KCNC2: variants seen among roughly 807,000 people sequenced by gnomAD.
The protein encoded by KCNC2 is potassium voltage-gated channel subfamily C member 2, also known as voltage-gated potassium channel KCNC2.
KCNC2 carries 21 observed loss-of-function variants against 44.5 expected under a neutral mutation model. That is an observed-to-expected ratio of 0.47 (90% CI 0.33 to 0.68). The LOEUF is 0.68. Ranked by LOEUF, KCNC2 falls within the 30% of genes least tolerant of loss-of-function variation. The pLI is 0.01. For missense variants in KCNC2, 589 were observed against 826.2 expected, an observed-to-expected ratio of 0.71 and a Z score of 3.52; for synonymous variants, 391 against 339.1, an observed-to-expected ratio of 1.15 and a Z score of -1.68.
intron 2 of KCNC2, among the ~76,000 whole-genome samples, chr12:75,118,859 G>A (rs528610589): frequency 2.6e-5 from 4 of 151,986 alleles, no homozygotes; most frequent in South Asian, 4.2e-4. Flanking sequence ...ACATCTAACC[G>A]GACAGAATAT....
chr12:75,082,792 T>A (rs943301723), intron 2 of KCNC2, among the ~76,000 whole-genome samples: 2 of 151,774 alleles, frequency 1.3e-5, no homozygotes, highest in Non-Finnish European at 2.9e-5. Flanking sequence ...ACAAAAATAT[T>A]AAGGATGATT....
At chr12:75,062,602 C>T (rs931740395) in intron 2 of KCNC2, among the ~76,000 whole-genome samples, 23 of 151,996 alleles carry the variant, frequency 1.5e-4, no homozygotes, top group African/African-American at 9.7e-5. Flanking sequence ...CATTGTGAAA[C>T]TTGCATGCAT....
intron 3 of KCNC2, 83 bp from the exon 4 acceptor site, chr12:75,048,400 A>G: frequency 1.8e-6 from 2 of 1,135,324 alleles, no homozygotes; most frequent in Non-Finnish European, 2.4e-6. Context: ...GAATGCCGGT[A>G]GTCCAGTCAC....
At chr12:75,084,190 A>G (rs776764007) in intron 2 of KCNC2, among the ~76,000 whole-genome samples, 1 of 151,938 alleles carries the variant, frequency 6.6e-6, no homozygotes, top group African/African-American at 2.4e-5. Context: ...TAAAATAAAA[A>G]TCTTGTTCTC....
chr12:75,066,569 T>C (rs1338627949), intron 2 of KCNC2, among the ~76,000 whole-genome samples: 1 of 152,214 alleles, frequency 6.6e-6, no homozygotes, highest in African/African-American at 2.4e-5. Context: ...ACTGGGATGA[T>C]GTAGATATAT....
intron 2 of KCNC2, among the ~76,000 whole-genome samples, chr12:75,070,243 A>G (rs1333161381): frequency 6.6e-6 from 1 of 152,116 alleles, no homozygotes; most frequent in Admixed American, 6.6e-5. Context: ...TGAGGTCAGG[A>G]GTTCAAGACC....
chr12:75,179,602 G>A, intron 2 of KCNC2, among the ~76,000 whole-genome samples: 1 of 141,568 alleles, frequency 7.1e-6, no homozygotes, highest in Non-Finnish European at 1.6e-5. Flanking sequence ...GCATAAAAAT[G>A]TGTTTTATAA....
intron 2 of KCNC2, among the ~76,000 whole-genome samples, chr12:75,136,251 C>T (rs1325853802): frequency 6.6e-6 from 1 of 151,776 alleles, no homozygotes; most frequent in East Asian, 1.9e-4. Flanking sequence ...AATCAGAAAT[C>T]AGTAACCTAA....
intron 2 of KCNC2, among the ~76,000 whole-genome samples, chr12:75,083,672 G>A (rs1024901871): frequency 4.0e-5 from 6 of 151,814 alleles, no homozygotes; most frequent in Non-Finnish European, 5.9e-5. Flanking sequence ...GTTTATATAA[G>A]CAAGATAGTA....
chr12:75,197,771 A>G (rs11834288), intron 2 of KCNC2, among the ~76,000 whole-genome samples: 14 of 151,990 alleles, frequency 9.2e-5, no homozygotes, highest in African/African-American at 2.9e-4. Context: ...TCATCCAATC[A>G]GTGTGGACAA....
chr12:75,176,596 T>G (rs940319703), intron 2 of KCNC2, among the ~76,000 whole-genome samples: 6 of 152,152 alleles, frequency 3.9e-5, no homozygotes, highest in Non-Finnish European at 5.9e-5. Flanking sequence ...GTTGTGGTTC[T>G]TCTCTCCACC....
rs150079454 is a variant in KCNC2, at chr12:75,200,419, A to G, written c.687+6878T>C. ...AAGTCTATCACATATTTCTTCACCA[A>G]TTTCACTAATATAATATATATTTTG... On this transcript the variant is annotated intron_variant, in intron 2 of 4. Coordinates refer to ENST00000549446, the MANE Select transcript of KCNC2 (RefSeq NM_139137.4). 2.0e-5 allele frequency among the ~76,000 whole-genome samples: 3 copies of G among 151,844 alleles called. No homozygotes were observed. In the East Asian group the frequency reaches 5.8e-4, roughly 29 times the overall value.
At position 75,114,938 on chromosome 12, in the gene KCNC2, A is replaced by C. The variant is rs535547507; in HGVS notation, c.688-63621T>G. ...GAGTGCAGTGGCGCGATCTCGGCTC[A>C]CTGCAGGCTCCGCCCCCCGGGGTTC... On this transcript the variant is annotated intron_variant, in intron 2 of 4. Coordinates refer to ENST00000549446, the MANE Select transcript of KCNC2 (RefSeq NM_139137.4). Among the ~76,000 whole-genome samples, 4 of 133,138 alleles carry C rather than the reference A, an allele frequency of 3.0e-5. No individual in the cohort carries two copies. In the East Asian group the frequency reaches 8.9e-4, roughly 30 times the overall value. 87.3% of individuals were successfully genotyped at this position (133,138 alleles called of 152,430 possible).
intron 2 of KCNC2, among the ~76,000 whole-genome samples, chr12:75,174,219 A>G (rs1396222352): frequency 4.0e-5 from 6 of 151,532 alleles, no homozygotes; most frequent in Admixed American, 4.0e-4. Context: ...TATTTTTTAC[A>G]CAGTGATTGT....
chr12:75,180,321 TG>T lies in KCNC2; in HGVS notation c.687+26975del, dbSNP rs201673706. ...TAAGACCTCAAAAATGTTTGTTGAA[TG>T]GGTACCATTAGTTTCTAAATATATG... On this transcript the variant is annotated intron_variant, in intron 2 of 4. Transcript: ENST00000549446. Among the ~76,000 whole-genome samples the T allele has an allele frequency of 1.1e-3, 172 of 151,926 alleles. 4 individuals are homozygous for T. In the East Asian group the frequency reaches 0.03, roughly 27 times the overall value.
chr12:75,148,211 C>T (rs1158322923), intron 2 of KCNC2, among the ~76,000 whole-genome samples: 1 of 152,128 alleles, frequency 6.6e-6, no homozygotes, highest in East Asian at 1.9e-4. Context: ...CTATGTCCTC[C>T]AAAGTATACA....
intron 4 of KCNC2, chr12:75,043,784 G>A: frequency 2.6e-6 from 4 of 1,510,620 alleles, no homozygotes; most frequent in Middle Eastern, 1.7e-4. Flanking sequence ...TTATCCAGGT[G>A]ATGTAGGATG....
Position 75,207,114 on chromosome 12 carries a change from A to G in KCNC2, c.687+183T>C, listed in dbSNP as rs12426850. ...GAGGAGGAGAAAGATGGGACTGGGT[A>G]GGGATGGTGGCCGGGGTCCCTGGGT... On this transcript the variant is annotated intron_variant, in intron 2 of 4. Transcript: ENST00000549446. The surrounding 1 kb of genome is among the most constrained non-coding windows in gnomAD (Gnocchi z 4.1). Among the ~76,000 whole-genome samples the G allele has an allele frequency of 5.2e-3, 796 of 152,256 alleles. 23 individuals carry two copies. Among genetic ancestry groups the G allele is most frequent in the Admixed American group, 0.048 (734 of 15,296 alleles).
At chr12:75,126,244 A>G (rs1888415832) in intron 2 of KCNC2, among the ~76,000 whole-genome samples, 1 of 152,194 alleles carries the variant, frequency 6.6e-6, no homozygotes, top group Admixed American at 6.5e-5. Flanking sequence ...TAGTCAGTTA[A>G]TGTGTTATCT....
Sources: allele counts gnomAD v4.1 joint callset (sites outside exome capture counted in the v4.1 genomes callset), GRCh38; gene constraint gnomAD v4.1.1; non-coding constraint Gnocchi (gnomAD v3.1); transcripts MANE v1.5; gene names NCBI Gene and HGNC (gene_info 2026-07-23, HGNC 2026-07-21).